The following PTPRD variants were observed in gnomAD, a reference collection of about 807,000 sequenced individuals.
PTPRD encodes the protein protein tyrosine phosphatase receptor type D, also known as receptor-type tyrosine-protein phosphatase delta.
Under a neutral mutation model 214.5 loss-of-function variants are expected in PTPRD, and 34 were observed. The observed-to-expected ratio is 0.16, with a 90% CI of 0.12 to 0.21. The LOEUF (loss-of-function observed/expected upper bound fraction) is 0.21. Ranked by LOEUF, PTPRD falls within the 10% of genes least tolerant of loss-of-function variation. The pLI is 1.00. For missense variants in PTPRD, 2,545 were observed against 2,398.7 expected, an observed-to-expected ratio of 1.06 and a Z score of -1.27; for synonymous variants, 1,128 against 845.7, an observed-to-expected ratio of 1.33 and a Z score of -5.79.
chr9:9,121,684 G>T (rs139838646), intron 10 of PTPRD, among the ~76,000 whole-genome samples: 3 of 152,072 alleles, frequency 2.0e-5, no homozygotes, highest in Admixed American at 2.0e-4. Context: ...AGTGTGGGAG[G>T]GGGGCGAGGG....
At chr9:9,097,958 A>T (rs189091102) in intron 10 of PTPRD, among the ~76,000 whole-genome samples, 21 of 152,248 alleles carry the variant, frequency 1.4e-4, no homozygotes, top group African/African-American at 4.8e-4. Flanking sequence ...ATCATAAAAG[A>T]TCCAGAGAGG....
intron 11 of PTPRD, among the ~76,000 whole-genome samples, chr9:8,990,737 C>T: frequency 6.6e-6 from 1 of 152,044 alleles, no homozygotes; most frequent in East Asian, 1.9e-4. Flanking sequence ...CATAAGACCC[C>T]CATTCTGGAG....
At chr9:9,630,940 G>C (rs889629059) in intron 7 of PTPRD, among the ~76,000 whole-genome samples, 15 of 152,056 alleles carry the variant, frequency 9.9e-5, no homozygotes, top group African/African-American at 3.1e-4. Flanking sequence ...AAACAAAAAG[G>C]ATAAAATACA....
chr9:8,324,270 G>A (rs772292385), intron 44 of PTPRD, among the ~76,000 whole-genome samples: 10 of 151,978 alleles, frequency 6.6e-5, no homozygotes, highest in Non-Finnish European at 1.3e-4. Flanking sequence ...CCCCTGGCAG[G>A]CCCTGGTGTG....
intron 9 of PTPRD, among the ~76,000 whole-genome samples, chr9:9,356,820 T>C (rs1257118681): frequency 1.3e-5 from 2 of 151,408 alleles, no homozygotes; most frequent in African/African-American, 4.8e-5. Context: ...CCAAGGTCCA[T>C]TCTAATAAAT....
intron 12 of PTPRD, chr9:8,701,555 G>GT (rs1178652934): frequency 6.6e-5 from 10 of 152,314 alleles, no homozygotes; most frequent in African/African-American, 2.4e-4. Flanking sequence ...GAGAATCACT[G>GT]GAACCTGGGA....
intron 5 of PTPRD, among the ~76,000 whole-genome samples, chr9:9,886,884 T>A (rs1555275124): frequency 6.6e-6 from 1 of 152,078 alleles, no homozygotes; most frequent in South Asian, 2.1e-4. Flanking sequence ...TACATGGACA[T>A]AGAAGGTCTG....
At chr9:9,436,632 G>A (rs1377153406) in intron 8 of PTPRD, among the ~76,000 whole-genome samples, 1 of 149,096 alleles carries the variant, frequency 6.7e-6, no homozygotes, top group Non-Finnish European at 1.5e-5. Flanking sequence ...AAAGGCATAT[G>A]TGTCATTGTT....
intron 2 of PTPRD, among the ~76,000 whole-genome samples, chr9:10,349,408 A>G (rs2097144901): frequency 6.6e-6 from 1 of 152,204 alleles, no homozygotes; most frequent in African/African-American, 2.4e-5. Flanking sequence ...CCCTGCAGAT[A>G]AATTATTCCA....
At chr9:8,880,061 G>A (rs958571555) in intron 11 of PTPRD, among the ~76,000 whole-genome samples, 1 of 152,156 alleles carries the variant, frequency 6.6e-6, no homozygotes, top group African/African-American at 2.4e-5. Flanking sequence ...TATGTTTGCT[G>A]TGGGGTCTGA....
intron 9 of PTPRD, among the ~76,000 whole-genome samples, chr9:9,280,170 G>T (rs1947152275): frequency 6.6e-6 from 1 of 151,244 alleles, no homozygotes; most frequent in African/African-American, 2.4e-5. Context: ...CCTTATGAGT[G>T]TCAATTATTT....
rs571117800 is a variant in PTPRD at position 10,417,754 on chromosome 9, G to T, written c.-599-76737C>A. On this transcript the variant is annotated intron_variant, in intron 2 of 45. Coordinates refer to ENST00000381196, the MANE Select transcript of PTPRD (RefSeq NM_002839.4). ...CCCCATGAGAATACATGAGAAAACT[G>T]GGACCTAAGACAAGGAGCTCTGAAT... is the stretch of plus-strand genomic sequence containing the variant. 2.4e-4 allele frequency among the ~76,000 whole-genome samples: 37 copies of T among 151,862 alleles called. 2 individuals are homozygous for T. In the South Asian group the frequency reaches 7.5e-3, roughly 31 times the overall value.
intron 11 of PTPRD, among the ~76,000 whole-genome samples, chr9:8,950,665 C>T (rs1320295900): frequency 6.6e-6 from 1 of 151,616 alleles, no homozygotes; most frequent in Non-Finnish European, 1.5e-5. Flanking sequence ...ATAGAACTTC[C>T]CAGAATCCTA....
chr9:10,566,852 G>C (rs2065792628), intron 2 of PTPRD, among the ~76,000 whole-genome samples: 1 of 151,924 alleles, frequency 6.6e-6, no homozygotes, highest in Non-Finnish European at 1.5e-5. Context: ...GAATGAGTAG[G>C]GTTCAAAATC....
Position 8,634,479 on chromosome 9 carries a change from C to T in PTPRD, c.211-1021G>A, listed in dbSNP as rs78824149. On this transcript the variant is annotated intron_variant, in intron 13 of 45. Coordinates refer to ENST00000381196, the MANE Select transcript of PTPRD (RefSeq NM_002839.4). ...TTGTGTGTGCATGTGTATATTAACA[C>T]AGAGAGGAAGGACATTCATATTTTC... 1.9e-3 allele frequency among the ~76,000 whole-genome samples: 282 copies of T among 152,068 alleles called. 4 individuals are homozygous for T. In the East Asian group the frequency reaches 0.05, roughly 27 times the overall value.
intron 30 of PTPRD, among the ~76,000 whole-genome samples, chr9:8,474,944 C>T (rs912012347): frequency 6.6e-6 from 1 of 152,150 alleles, no homozygotes; most frequent in African/African-American, 2.4e-5. Context: ...CTCCTTCTCT[C>T]TCATATATCT....
At chr9:9,112,714 A>G (rs1456742752) in intron 10 of PTPRD, among the ~76,000 whole-genome samples, 3 of 152,180 alleles carry the variant, frequency 2.0e-5, no homozygotes, top group African/African-American at 7.2e-5. Context: ...CAGGCTTAAA[A>G]TCACATAGAA....
At chr9:8,633,168 C>A in intron 14 of PTPRD, 149 bp downstream of exon 14, 1 of 941,932 alleles carries the variant, frequency 1.1e-6, no homozygotes, top group Non-Finnish European at 1.6e-6. Flanking sequence ...AGAAGGTATC[C>A]ACTGTCTAAT....
intron 34 of PTPRD, among the ~76,000 whole-genome samples, chr9:8,441,361 C>T (rs2095541440): frequency 6.6e-6 from 1 of 152,066 alleles, no homozygotes; most frequent in Admixed American, 6.6e-5. Context: ...AGGACTTGCT[C>T]TGCCAAGTGG....
Sources: allele counts gnomAD v4.1 joint callset (sites outside exome capture counted in the v4.1 genomes callset), GRCh38; gene constraint gnomAD v4.1.1; transcripts MANE v1.5; gene names NCBI Gene and HGNC (gene_info 2026-07-23, HGNC 2026-07-21).